Variants in MAF observed in about 807,000 individuals in gnomAD.
The protein encoded by MAF is transcription factor Maf.
A neutral mutation model predicts 22.0 loss-of-function variants in MAF; 10 were observed. The ratio of observed to expected loss-of-function variants is 0.45; its 90% CI spans 0.28 to 0.77. The LOEUF (loss-of-function observed/expected upper bound fraction) is 0.77, where lower values mean the gene tolerates loss of function less well. MAF is among the 30% of genes least tolerant of loss of function. The probability of loss-of-function intolerance (pLI) is 0.12; values close to 1 mark genes in which losing one functional copy is unlikely to be tolerated. For synonymous variants in MAF, 337 were observed against 255.8 expected (o/e 1.32, Z -3.03); for missense variants, 544 against 548.4 (o/e 0.99, Z 0.08).
the MAF span, among the ~76,000 whole-genome samples, chr16:79,303,910 GAA>G: frequency 6.6e-6 from 1 of 151,772 alleles, no homozygotes; most frequent in Non-Finnish European, 1.5e-5. Flanking sequence ...AATGCGGGGA[GAA>G]AAAAAAGAGA....
At chr16:79,502,006 C>A in the MAF span, among the ~76,000 whole-genome samples, 1 of 152,118 alleles carries the variant, frequency 6.6e-6, no homozygotes, top group Non-Finnish European at 1.5e-5. Context: ...TTTCTTTCAA[C>A]CATTTATTTA....
chr16:79,547,734 G>A, the MAF span, among the ~76,000 whole-genome samples: 1 of 152,100 alleles, frequency 6.6e-6, no homozygotes, highest in Non-Finnish European at 1.5e-5. Context: ...TTATATATAA[G>A]CCACCATATA....
the MAF span, among the ~76,000 whole-genome samples, chr16:79,503,736 T>A: frequency 1.4e-3 from 211 of 152,320 alleles, 1 homozygote; most frequent in African/African-American, 4.8e-3. Flanking sequence ...AGCTCAGAAC[T>A]AATTGTGTGG....
At chr16:79,362,702 C>A in the MAF span, among the ~76,000 whole-genome samples, 2 of 152,186 alleles carry the variant, frequency 1.3e-5, no homozygotes, top group Non-Finnish European at 2.9e-5. Flanking sequence ...AAATTCTAGA[C>A]TGCATACCTT....
chr16:79,369,156 CAACTAG>C, the MAF span, among the ~76,000 whole-genome samples: 1 of 152,222 alleles, frequency 6.6e-6, no homozygotes, highest in African/African-American at 2.4e-5. Flanking sequence ...GCAAATGAGG[CAACTAG>C]AAGTTAGAGA....
the MAF span, among the ~76,000 whole-genome samples, chr16:79,290,828 G>A: frequency 2.6e-5 from 4 of 152,020 alleles, no homozygotes; most frequent in African/African-American, 9.7e-5. Context: ...TAGAGTCACT[G>A]AGGCTGGTCC....
At chr16:79,410,438 G>C in the MAF span, among the ~76,000 whole-genome samples, 1 of 152,218 alleles carries the variant, frequency 6.6e-6, no homozygotes, top group Non-Finnish European at 1.5e-5. Flanking sequence ...ATTTCTATGA[G>C]TAAATCAGCT....
chr16:79,383,843 G>C, the MAF span, among the ~76,000 whole-genome samples: 1 of 152,142 alleles, frequency 6.6e-6, no homozygotes, highest in Non-Finnish European at 1.5e-5. Context: ...TAGTTTAAAA[G>C]GATGAACTAG....
the MAF span, among the ~76,000 whole-genome samples, chr16:79,400,299 C>T: frequency 2.0e-5 from 3 of 152,150 alleles, no homozygotes; most frequent in African/African-American, 4.8e-5. Flanking sequence ...CCGAGATCAA[C>T]CATTTATTTT....
the MAF span, among the ~76,000 whole-genome samples, chr16:79,406,292 T>A: frequency 7.9e-5 from 12 of 152,312 alleles, no homozygotes; most frequent in East Asian, 2.3e-3. Context: ...GTCTGGCACG[T>A]CCCCAAGGAG....
chr16:79,370,889 C>T, the MAF span, among the ~76,000 whole-genome samples: 3 of 152,168 alleles, frequency 2.0e-5, no homozygotes, highest in African/African-American at 4.8e-5. Flanking sequence ...CGAACCACAC[C>T]TTCCTGACGT....
the MAF span, among the ~76,000 whole-genome samples, chr16:79,525,202 T>C: frequency 7.9e-5 from 12 of 152,254 alleles, no homozygotes; most frequent in African/African-American, 2.6e-4. Context: ...ACTTCCTGTT[T>C]TCATGAAATT....
chr16:79,463,677 T>C, the MAF span, among the ~76,000 whole-genome samples: 2 of 152,196 alleles, frequency 1.3e-5, no homozygotes, highest in African/African-American at 4.8e-5. Flanking sequence ...ATTTGACACC[T>C]AGGTTGGCAT....
the MAF span, among the ~76,000 whole-genome samples, chr16:79,579,142 C>T: frequency 1.3e-5 from 2 of 152,240 alleles, no homozygotes; most frequent in East Asian, 3.9e-4. Context: ...AGCTTACAGA[C>T]AGAGAATTCT....
the MAF span, among the ~76,000 whole-genome samples, chr16:79,523,749 A>G: frequency 3.9e-5 from 6 of 152,340 alleles, no homozygotes; most frequent in African/African-American, 1.4e-4. Flanking sequence ...TAACTCGTGC[A>G]ATGCCATATA....
the MAF span, among the ~76,000 whole-genome samples, chr16:79,579,890 T>A: frequency 6.6e-6 from 1 of 152,066 alleles, no homozygotes; most frequent in African/African-American, 2.4e-5. Flanking sequence ...TGAGTAAAGA[T>A]AGAAAGAAAC....
the MAF span, among the ~76,000 whole-genome samples, chr16:79,366,185 A>G: frequency 6.6e-6 from 1 of 152,220 alleles, no homozygotes; most frequent in Non-Finnish European, 1.5e-5. Flanking sequence ...GAATAGTATC[A>G]GGACATCTGA....
the MAF span, among the ~76,000 whole-genome samples, chr16:79,506,206 A>G: frequency 2.0e-5 from 3 of 152,274 alleles, no homozygotes; most frequent in Non-Finnish European, 2.9e-5. Context: ...GTAACCAGCT[A>G]TTGTCCCAAG....
the MAF span, among the ~76,000 whole-genome samples, chr16:79,266,093 C>T: frequency 1.3e-5 from 2 of 151,592 alleles, no homozygotes; most frequent in Non-Finnish European, 2.9e-5. Context: ...AGGCTGGTCT[C>T]GAACTCCTGA....
Sources: allele counts gnomAD v4.1 joint callset (sites outside exome capture counted in the v4.1 genomes callset), GRCh38; gene constraint gnomAD v4.1.1; transcripts MANE v1.5; gene names NCBI Gene and HGNC (gene_info 2026-07-23, HGNC 2026-07-21).